REPS1: variants seen among roughly 807,000 people sequenced by gnomAD.
REPS1 encodes ralBP1-associated Eps domain-containing protein 1.
A neutral mutation model predicts 100.9 loss-of-function variants in REPS1; 39 were observed. The observed-to-expected ratio is 0.39, with a 90% CI of 0.30 to 0.50. The LOEUF (loss-of-function observed/expected upper bound fraction) is 0.50, where lower values mean the gene tolerates loss of function less well. Among genes scored for constraint, REPS1 ranks in the 20% least tolerant of loss-of-function variants. The probability of loss-of-function intolerance (pLI) is 0.86; values close to 1 mark genes in which losing one functional copy is unlikely to be tolerated. For missense variants in REPS1, 821 were observed against 968.5 expected, an observed-to-expected ratio of 0.85 and a Z score of 2.02; for synonymous variants, 324 against 340.3, an observed-to-expected ratio of 0.95 and a Z score of 0.53.
chr6:138,930,216 A>C lies in REPS1; in HGVS notation c.1136-118T>G, dbSNP rs1781404107. 5.4e-6 allele frequency: 4 copies of C among 746,660 alleles called. No homozygotes were observed. In the South Asian group the frequency reaches 8.3e-5, roughly 16 times the overall value. The allele number at this position is 746,660 out of a possible 1,614,324, so 46.3% of individuals were successfully genotyped here. A position where few individuals can be genotyped will look rare whatever the true frequency, so the allele number is the denominator to read the frequency against. On this transcript the variant is annotated intron_variant, in intron 8 of 19. Coordinates refer to ENST00000450536, the MANE Select transcript of REPS1 (RefSeq NM_001286611.2). ...TTTCATAAGTAGTAATATATAATCTAAATCTCCTTTCCTCATGTTCTCAGA... is the reference window on the plus strand; with the variant it reads ...TTTCATAAGTAGTAATATATAATCTCAATCTCCTTTCCTCATGTTCTCAGA...
Position 138,917,569 on chromosome 6 carries a change from A to G in REPS1, c.1587T>C (p.Asn529=), listed in dbSNP as rs775237818. The change falls in exon 13 of 20, where the codon AAT becomes AAC. Residue 529 remains asparagine, a synonymous_variant. Coordinates refer to ENST00000450536, the MANE Select transcript of REPS1 (RefSeq NM_001286611.2). ...GAAATACTGACCTTTGACGAGTTAC[A>G]TTGCTCCCGATCTGTTCTGGGTCAG... ...FTSDPEQIGS[N]VTRQRSHSGT... 3.7e-6 allele frequency: 6 copies of G among 1,613,302 alleles called. No individual in the cohort carries two copies. The Admixed American group carries it at 5.0e-5, about 13-fold the overall frequency.
intron 12 of REPS1, among the ~76,000 whole-genome samples, chr6:138,919,791 T>G (rs1294811189): frequency 6.6e-6 from 1 of 152,212 alleles, no homozygotes; most frequent in Admixed American, 6.5e-5. Flanking sequence ...TACTTTCTAA[T>G]ATAAGAGTTA....
At chr6:138,952,122 G>A (rs1175269090) in intron 1 of REPS1, among the ~76,000 whole-genome samples, 1 of 151,822 alleles carries the variant, frequency 6.6e-6, no homozygotes, top group Non-Finnish European at 1.5e-5. Flanking sequence ...ACATGCTCAT[G>A]GTAAAATAAA....
intron 13 of REPS1, 32 bp downstream of exon 13, chr6:138,917,523 T>G (rs1295066898): frequency 6.6e-7 from 1 of 1,520,700 alleles, no homozygotes; most frequent in Admixed American, 1.7e-5. Flanking sequence ...GCAAGATAGT[T>G]TAACATGCTT....
At chr6:138,977,837 T>C (rs1350273517) in intron 1 of REPS1, among the ~76,000 whole-genome samples, 1 of 152,230 alleles carries the variant, frequency 6.6e-6, no homozygotes, top group Non-Finnish European at 1.5e-5. Flanking sequence ...TGTTTCCCAA[T>C]GTGGCTGTGT....
intron 1 of REPS1, among the ~76,000 whole-genome samples, chr6:138,954,457 G>GTTTTA (rs1783245216): frequency 1.3e-5 from 2 of 150,810 alleles, no homozygotes; most frequent in Non-Finnish European, 2.9e-5. Context: ...GAACTGTTTT[G>GTTTTA]GGCCACATAT....
At chr6:138,967,550 T>G (rs1784091539) in intron 1 of REPS1, among the ~76,000 whole-genome samples, 1 of 152,210 alleles carries the variant, frequency 6.6e-6, no homozygotes, top group Non-Finnish European at 1.5e-5. Flanking sequence ...TTTCTATAGC[T>G]GTAGGCAGCA....
intron 15 of REPS1, among the ~76,000 whole-genome samples, chr6:138,913,285 C>G (rs1387410550): frequency 6.6e-6 from 1 of 151,992 alleles, no homozygotes; most frequent in Non-Finnish European, 1.5e-5. Flanking sequence ...CTTAATTGGA[C>G]TAATGCACAA....
At chr6:138,924,889 G>A (rs1478821322) in intron 10 of REPS1, among the ~76,000 whole-genome samples, 3 of 152,122 alleles carry the variant, frequency 2.0e-5, no homozygotes, top group South Asian at 2.1e-4. Flanking sequence ...TGCCTTAAAT[G>A]TAGCAAGAAA....
At chr6:138,985,584 T>C (rs528142369) in intron 1 of REPS1, among the ~76,000 whole-genome samples, 8 of 152,348 alleles carry the variant, frequency 5.3e-5, no homozygotes, top group South Asian at 2.1e-4. Context: ...TTTAAGTAAA[T>C]TGCCTTCAAG....
At chr6:138,975,445 GAAC>G (rs1342899632) in intron 1 of REPS1, among the ~76,000 whole-genome samples, 1 of 152,162 alleles carries the variant, frequency 6.6e-6, no homozygotes, top group South Asian at 2.1e-4. Context: ...TAGGTTTGAA[GAAC>G]AACAGACAAT....
chr6:138,908,861 T>C (rs1199462891), intron 17 of REPS1, 45 bp from the exon 18 acceptor site: 3 of 1,583,688 alleles, frequency 1.9e-6, no homozygotes, highest in Admixed American at 3.6e-5. Context: ...TTTGAAGACA[T>C]TCATAGTTAG....
chr6:138,915,578 G>A (rs189903266), intron 14 of REPS1, among the ~76,000 whole-genome samples: 2 of 151,018 alleles, frequency 1.3e-5, no homozygotes, highest in Admixed American at 6.6e-5. Flanking sequence ...TCAGCCTCCC[G>A]AGTAGCTGGG....
chr6:138,908,317 T>C (rs1461676491), intron 18 of REPS1, among the ~76,000 whole-genome samples: 6 of 152,138 alleles, frequency 3.9e-5, no homozygotes, highest in African/African-American at 1.2e-4. Context: ...ATTTGTGAGA[T>C]GAAGTCTTGC....
rs1455222814 is a variant in REPS1 at position 138,927,987 on chromosome 6, G to A, written c.1258-1506C>T. On this transcript the variant is annotated intron_variant, in intron 9 of 19. Transcript: ENST00000450536. ...TTTACTTGTGTACCTCATTTGGGTG[G>A]CATGAAGTTTAACTTTGTTTCACAA... is the stretch of plus-strand genomic sequence containing the variant. The A allele has an allele frequency of 2.0e-5, 3 of 152,148 alleles. No individual in the cohort carries two copies. In the East Asian group the frequency reaches 5.8e-4, roughly 29 times the overall value. The allele number at this position is 152,148 out of a possible 1,614,324, so 9.4% of individuals were successfully genotyped here. A position where few individuals can be genotyped will look rare whatever the true frequency, so the allele number is the denominator to read the frequency against.
intron 1 of REPS1, among the ~76,000 whole-genome samples, chr6:138,965,268 A>G (rs1219846208): frequency 6.6e-6 from 1 of 152,154 alleles, no homozygotes; most frequent in Non-Finnish European, 1.5e-5. Flanking sequence ...GACTACTTTT[A>G]AAGTTTGATA....
At chr6:138,967,172 C>T (rs1784072359) in intron 1 of REPS1, among the ~76,000 whole-genome samples, 1 of 152,212 alleles carries the variant, frequency 6.6e-6, no homozygotes, top group Non-Finnish European at 1.5e-5. Context: ...AACAAGAAGG[C>T]CCTAGCCAGA....
intron 14 of REPS1, among the ~76,000 whole-genome samples, chr6:138,915,452 AT>A (rs5880407): frequency 0.47 from 63,419 of 134,370 alleles, 14,589 homozygotes; most frequent in Non-Finnish European, 0.58. Context: ...CCTTCAGATA[AT>A]TTTTTTTTTT....
At chr6:138,935,352 T>C (rs1473429508) in intron 8 of REPS1, among the ~76,000 whole-genome samples, 1 of 152,204 alleles carries the variant, frequency 6.6e-6, no homozygotes, top group Non-Finnish European at 1.5e-5. Flanking sequence ...CTGCTCAACA[T>C]CTGACTCAAT....
Sources: gnomAD v4.1 joint callset for allele counts (sites outside exome capture counted in the v4.1 genomes callset) on GRCh38, gnomAD v4.1.1 for gene constraint, MANE v1.5 for transcripts, NCBI Gene and HGNC (gene_info 2026-07-23, HGNC 2026-07-21) for gene names.